The following LTBP1 variants were observed in gnomAD, a reference collection of about 807,000 sequenced individuals.
LTBP1 encodes latent-transforming growth factor beta-binding protein 1.
LTBP1 carries 129 observed loss-of-function variants against 207.6 expected under a neutral mutation model. The observed-to-expected ratio is 0.62, with a 90% confidence interval of 0.54 to 0.72. LTBP1 has a LOEUF of 0.72. Among genes scored for constraint, LTBP1 ranks in the 30% least tolerant of loss-of-function variants. LTBP1 has a pLI of 0.00. For missense variants in LTBP1, 2,281 were observed against 2,217.2 expected (o/e 1.03, Z -0.58); for synonymous variants, 963 against 833.7 (o/e 1.16, Z -2.67).
At chr2:33,055,960 G>A (rs1215590601) in intron 3 of LTBP1, among the ~76,000 whole-genome samples, 11 of 152,120 alleles carry the variant, frequency 7.2e-5, no homozygotes, top group Admixed American at 7.2e-4. Context: ...AGGATATGGG[G>A]GTAAGCTGAG....
rs1015918477 is a variant in LTBP1 at position 33,365,452 on chromosome 2, T to C, written c.4660T>C (p.Tyr1554His). The change falls in exon 31 of 34, where the codon TAT becomes CAT. Residue 1554 changes from tyrosine (Y) to histidine (H), a missense_variant. Tyr to His is a moderately conservative substitution (Grantham distance 83). Transcript: ENST00000404816. Reference sequence around the variant, plus strand: ...AACGTACACTGAGTGCTGCTGTCTGTATGGAGAGGCCTGGGGCATGCAGTG... The same window carrying C: ...AACGTACACTGAGTGCTGCTGTCTGCATGGAGAGGCCTGGGGCATGCAGTG... ...QTTYTECCCL[Y>H]GEAWGMQCAL... is the part of the protein sequence containing the mutation. 2.5e-6 allele frequency: 4 copies of C among 1,614,036 alleles called. No individual in the cohort carries two copies. Among genetic ancestry groups the C allele is most frequent in the South Asian group, 1.1e-5 (1 of 91,082 alleles).
chr2:33,019,325 CTTCTTTTTTTTTT>C (rs1688824454), intron 2 of LTBP1, among the ~76,000 whole-genome samples: 2 of 132,836 alleles, frequency 1.5e-5, no homozygotes, highest in Admixed American at 8.2e-5. Flanking sequence ...AGCATGTACA[CTTCTTTTTTTTTT>C]TTTTTTTTTT....
chr2:33,188,331 G>A (rs968616621), intron 6 of LTBP1, among the ~76,000 whole-genome samples: 2 of 146,790 alleles, frequency 1.4e-5, no homozygotes, highest in Admixed American at 1.4e-4. Flanking sequence ...TGAGGCAGGA[G>A]AATCGCTTGA....
chr2:33,162,901 G>C (rs569075469), intron 5 of LTBP1, among the ~76,000 whole-genome samples: 1 of 152,206 alleles, frequency 6.6e-6, no homozygotes, highest in African/African-American at 2.4e-5. Context: ...TGTGTTAGAA[G>C]CAAAGGCAAA....
intron 32 of LTBP1, 46 bp downstream of exon 32, chr2:33,389,352 G>A: frequency 6.2e-7 from 1 of 1,609,816 alleles, no homozygotes. Context: ...TGTGGTTGAA[G>A]ATTAATCAGT....
chr2:33,203,815 A>G (rs2089588965), intron 7 of LTBP1, among the ~76,000 whole-genome samples: 1 of 152,230 alleles, frequency 6.6e-6, no homozygotes, highest in Admixed American at 6.5e-5. Context: ...ATGTTGAGCT[A>G]CTTCTGATAT....
At chr2:33,352,821 T>C (rs6721118) in intron 26 of LTBP1, among the ~76,000 whole-genome samples, 8,183 of 152,158 alleles carry the variant, frequency 0.054, 671 homozygotes, top group African/African-American at 0.18. Flanking sequence ...TGTAAATGGA[T>C]TGTTTAGCTT....
At chr2:33,055,179 T>G (rs2149546826) in intron 3 of LTBP1, among the ~76,000 whole-genome samples, 1 of 152,298 alleles carries the variant, frequency 6.6e-6, no homozygotes, top group South Asian at 2.1e-4. Context: ...TGCCTCTAGA[T>G]TTTGTTCAGG....
chr2:33,152,756 T>C (rs1440187244), intron 5 of LTBP1, among the ~76,000 whole-genome samples: 2 of 152,240 alleles, frequency 1.3e-5, no homozygotes, highest in African/African-American at 4.8e-5. Context: ...GAGAAATGTC[T>C]GTTCAAGTCC....
At chr2:33,142,697 A>C (rs2082732606) in intron 5 of LTBP1, among the ~76,000 whole-genome samples, 1 of 152,150 alleles carries the variant, frequency 6.6e-6, no homozygotes, top group Non-Finnish European at 1.5e-5. Context: ...TAGCCAGGAC[A>C]GTTTTTTAAA....
At chr2:33,078,200 CAG>C (rs1287378061) in intron 3 of LTBP1, among the ~76,000 whole-genome samples, 1 of 152,152 alleles carries the variant, frequency 6.6e-6, no homozygotes, top group African/African-American at 2.4e-5. Context: ...GTGTTAATCA[CAG>C]AGCCAATATT....
At chr2:33,010,326 T>C (rs147976440) in intron 2 of LTBP1, among the ~76,000 whole-genome samples, 223 of 152,232 alleles carry the variant, frequency 1.5e-3, no homozygotes, top group African/African-American at 5.2e-3. Flanking sequence ...TTATCCAGTG[T>C]CATTAAAAAT....
intron 20 of LTBP1, among the ~76,000 whole-genome samples, chr2:33,294,243 C>T (rs187964185): frequency 5.3e-5 from 8 of 152,146 alleles, no homozygotes; most frequent in African/African-American, 1.9e-4. Flanking sequence ...CTCCCCCAGG[C>T]TGGAGTGCTG....
chr2:33,217,718 C>A, intron 8 of LTBP1, 64 bp downstream of exon 8: 1 of 1,101,042 alleles, frequency 9.1e-7, no homozygotes, highest in Non-Finnish European at 1.4e-6. Context: ...ATGATTACTC[C>A]TTTAATGATG....
At chr2:33,247,557 A>C (rs575955087) in intron 10 of LTBP1, among the ~76,000 whole-genome samples, 54 of 152,362 alleles carry the variant, frequency 3.5e-4, no homozygotes, top group Middle Eastern at 3.4e-3. Flanking sequence ...ACAAAGACAG[A>C]GTTGAGAAGT....
chr2:33,241,625 A>G (rs1183425790), intron 9 of LTBP1, among the ~76,000 whole-genome samples: 4 of 152,198 alleles, frequency 2.6e-5, no homozygotes, highest in African/African-American at 4.8e-5. Context: ...CAGCCAATGA[A>G]CAGGAATACA....
chr2:33,398,692 G>GA lies in LTBP1; in HGVS notation c.*148dup. On this transcript the variant is annotated 3_prime_UTR_variant, in exon 34 of 34. Coordinates refer to ENST00000404816, the MANE Select transcript of LTBP1 (RefSeq NM_206943.4). ...ATTGCAAGTCCTCTGAAGACAATGA[G>GA]AGGATTTAGGATGAGCCCGATAGGT... 1.4e-6 allele frequency: 1 copy of GA among 713,250 alleles called. No homozygotes were observed. The highest frequency in any genetic ancestry group is 2.2e-6 in the Non-Finnish European group (1 of 456,920). 44.2% of individuals were successfully genotyped at this position (713,250 alleles called of 1,614,324 possible).
At chr2:33,181,809 C>T (rs1452517359) in intron 5 of LTBP1, among the ~76,000 whole-genome samples, 1 of 152,146 alleles carries the variant, frequency 6.6e-6, no homozygotes, top group Non-Finnish European at 1.5e-5. Flanking sequence ...TCTTGATGTT[C>T]TGAGGTTTTA....
chr2:32,998,720 G>A (rs1685670964), intron 2 of LTBP1, among the ~76,000 whole-genome samples: 3 of 151,986 alleles, frequency 2.0e-5, no homozygotes, highest in Admixed American at 2.0e-4. Context: ...TGAAATTGAT[G>A]GAGAGTCATA....
Sources: allele counts gnomAD v4.1 joint callset (sites outside exome capture counted in the v4.1 genomes callset), GRCh38; gene constraint gnomAD v4.1.1; transcripts MANE v1.5; gene names NCBI Gene and HGNC (gene_info 2026-07-23, HGNC 2026-07-21).